The following FGF12 variants were observed in gnomAD, a reference collection of about 807,000 sequenced individuals.
FGF12 encodes the protein fibroblast growth factor 12B.
In FGF12, 14 loss-of-function variants were observed where a neutral mutation model predicts 23.6. The ratio of observed to expected loss-of-function variants is 0.59; its 90% confidence interval spans 0.39 to 0.93. The LOEUF is 0.93. Ranked by LOEUF, FGF12 falls within the 40% of genes least tolerant of loss-of-function variation. The pLI is 0.00. For synonymous variants in FGF12, 62 were observed against 77.3 expected, an observed-to-expected ratio of 0.80 and a Z score of 1.04; for missense variants, 175 against 217.8, an observed-to-expected ratio of 0.80 and a Z score of 1.24.
At chr3:192,243,276 G>A (rs373229339) in intron 4 of FGF12, among the ~76,000 whole-genome samples, 7 of 152,024 alleles carry the variant, frequency 4.6e-5, no homozygotes, top group South Asian at 4.2e-4. Flanking sequence ...TCATGAAAAC[G>A]AAGAGCAATT....
intron 2 of FGF12, among the ~76,000 whole-genome samples, chr3:192,553,348 G>T (rs959660216): frequency 6.6e-6 from 1 of 151,554 alleles, no homozygotes; most frequent in Admixed American, 6.6e-5. Context: ...GATGGAAAAG[G>T]GTATAAATAT....
At chr3:192,375,049 A>C (rs961252963) in intron 2 of FGF12, among the ~76,000 whole-genome samples, 7 of 152,186 alleles carry the variant, frequency 4.6e-5, no homozygotes, top group African/African-American at 1.2e-4. Context: ...AAATATCCAC[A>C]AAAAGTACCT....
chr3:192,165,086 G>A (rs969184214), intron 5 of FGF12, among the ~76,000 whole-genome samples: 7 of 151,860 alleles, frequency 4.6e-5, no homozygotes, highest in Admixed American at 1.3e-4. Flanking sequence ...CCCAAGTAGC[G>A]GGGATTACAG....
chr3:192,206,247 A>G (rs889899147), intron 4 of FGF12, among the ~76,000 whole-genome samples: 1 of 152,198 alleles, frequency 6.6e-6, no homozygotes, highest in Non-Finnish European at 1.5e-5. Flanking sequence ...GGAAGGGGAA[A>G]TCTCAGAGAA....
rs1165140942 is a variant in FGF12, at chr3:192,548,623, G to C, written c.13+178558C>G. ...AAGATGGGGTTAACTAATTAATCAA[G>C]GTATGTATTAGCCAGATTCTGAACA... is the stretch of plus-strand genomic sequence containing the variant. On this transcript the variant is annotated intron_variant, in intron 2 of 5. Coordinates refer to ENST00000445105, the MANE Select transcript of FGF12 (RefSeq NM_004113.6). 2.0e-5 allele frequency among the ~76,000 whole-genome samples: 3 copies of C among 152,074 alleles called. 1 individual carries two copies. The South Asian group carries it at 6.2e-4, about 32-fold the overall frequency.
chr3:192,618,239 T>C (rs1308983976), intron 2 of FGF12, among the ~76,000 whole-genome samples: 1 of 144,288 alleles, frequency 6.9e-6, no homozygotes, highest in East Asian at 2.0e-4. Flanking sequence ...AGAGATATCA[T>C]GGGGAACTAA....
intron 2 of FGF12, among the ~76,000 whole-genome samples, chr3:192,494,741 C>T (rs908959463): frequency 1.3e-5 from 2 of 152,060 alleles, no homozygotes; most frequent in Admixed American, 1.3e-4. Context: ...ATATGTGGGA[C>T]ACAGATTGAA....
chr3:192,571,734 C>T (rs1363602569), intron 2 of FGF12, among the ~76,000 whole-genome samples: 2 of 152,190 alleles, frequency 1.3e-5, no homozygotes, highest in African/African-American at 4.8e-5. Context: ...AAAGCAGCAA[C>T]GCGAGCAACT....
chr3:192,477,150 C>A (rs1723349167), intron 2 of FGF12, among the ~76,000 whole-genome samples: 1 of 152,100 alleles, frequency 6.6e-6, no homozygotes, highest in African/African-American at 2.4e-5. Context: ...TGTAAACTAC[C>A]CAGAAGGCAG....
chr3:192,432,179 G>A (rs116167510), intron 2 of FGF12, among the ~76,000 whole-genome samples: 112 of 152,252 alleles, frequency 7.4e-4, no homozygotes, highest in African/African-American at 2.6e-3. Flanking sequence ...TAACAAAGAT[G>A]CAAAAATGAA....
At chr3:192,567,139 T>A (rs1316043489) in intron 2 of FGF12, among the ~76,000 whole-genome samples, 1 of 152,204 alleles carries the variant, frequency 6.6e-6, no homozygotes, top group Non-Finnish European at 1.5e-5. Flanking sequence ...GAAGTTTTAC[T>A]CCAGGTACTA....
chr3:192,169,479 T>A (rs1434188900), intron 5 of FGF12, among the ~76,000 whole-genome samples: 1 of 152,182 alleles, frequency 6.6e-6, no homozygotes, highest in African/African-American at 2.4e-5. Context: ...GCTTGGAACA[T>A]TGGAAGATAG....
At chr3:192,615,067 G>A (rs1000495437) in intron 2 of FGF12, among the ~76,000 whole-genome samples, 7 of 151,926 alleles carry the variant, frequency 4.6e-5, no homozygotes, top group African/African-American at 1.7e-4. Context: ...CTCTTCATGT[G>A]TCAAGAGATC....
intron 2 of FGF12, among the ~76,000 whole-genome samples, chr3:192,661,365 T>C (rs1241798841): frequency 6.6e-6 from 1 of 152,070 alleles, no homozygotes; most frequent in African/African-American, 2.4e-5. Context: ...CTACTAAAAA[T>C]ACAAAACTTA....
At chr3:192,676,162 T>C (rs1020907980) in intron 2 of FGF12, among the ~76,000 whole-genome samples, 2 of 152,204 alleles carry the variant, frequency 1.3e-5, no homozygotes, top group African/African-American at 2.4e-5. Context: ...GACTCAGTTC[T>C]TCCTCCCCTC....
chr3:192,384,505 AG>A (rs1212340741), intron 2 of FGF12, among the ~76,000 whole-genome samples: 1 of 152,208 alleles, frequency 6.6e-6, no homozygotes, highest in Admixed American at 6.5e-5. Flanking sequence ...ACAGAAGGAA[AG>A]AAGGATAGAA....
intron 2 of FGF12, among the ~76,000 whole-genome samples, chr3:192,683,698 T>C (rs1000168319): frequency 1.3e-5 from 2 of 152,144 alleles, no homozygotes; most frequent in Non-Finnish European, 2.9e-5. Flanking sequence ...TAATATATCA[T>C]CTCTTTAAAT....
intron 5 of FGF12, among the ~76,000 whole-genome samples, chr3:192,163,334 G>A (rs902753165): frequency 6.6e-6 from 1 of 152,058 alleles, no homozygotes; most frequent in African/African-American, 2.4e-5. Flanking sequence ...TACCTCTACT[G>A]ACTTCATATA....
intron 2 of FGF12, among the ~76,000 whole-genome samples, chr3:192,486,559 G>A (rs922709393): frequency 3.9e-5 from 6 of 152,068 alleles, no homozygotes; most frequent in Non-Finnish European, 7.4e-5. Context: ...CATAGCCTAG[G>A]AAGTAAAAGA....
Sources: gnomAD v4.1 joint callset for allele counts (sites outside exome capture counted in the v4.1 genomes callset) on GRCh38, gnomAD v4.1.1 for gene constraint, MANE v1.5 for transcripts, NCBI Gene and HGNC (gene_info 2026-07-23, HGNC 2026-07-21) for gene names.